The following ACADL variants were observed in gnomAD, a reference collection of about 807,000 sequenced individuals.
The protein encoded by ACADL is long-chain specific acyl-CoA dehydrogenase, mitochondrial.
ACADL carries 60 observed loss-of-function variants against 56.9 expected under a neutral mutation model. The observed-to-expected ratio is 1.05, with a 90% CI of 0.86 to 1.31. The LOEUF (loss-of-function observed/expected upper bound fraction) is 1.31. Ranked by LOEUF, ACADL falls within the 50% of genes most tolerant of loss-of-function variation. The pLI, the probability that ACADL is intolerant of heterozygous loss-of-function variation, is 0.00. For synonymous variants in ACADL, 158 were observed against 179.7 expected, an observed-to-expected ratio of 0.88 and a Z score of 0.97; for missense variants, 484 against 525.5, an observed-to-expected ratio of 0.92 and a Z score of 0.77.
In ACADL at chr2:210,195,250, T is replaced by A. The variant is rs1487326946; in HGVS notation, c.1073A>T (p.Lys358Ile). Reference protein sequence around the residue: ...VDNCLQLHEAKRLDSATACMA... With the variant: ...VDNCLQLHEAIRLDSATACMA... ...GCAAGCAGTGGCGGAGTCCAAACGT[T>A]TCGCTTCATGCAGCTGGAGACAGTT... The change falls in exon 9 of 11, where the codon AAA becomes ATA. Residue 358 changes from lysine (K) to isoleucine (I), a missense_variant. By Grantham distance (102) the Lys-to-Ile change is moderately radical. Transcript: ENST00000233710. The A allele has an allele frequency of 4.3e-6, 7 of 1,613,954 alleles. No individual in the cohort carries two copies. Among genetic ancestry groups the A allele is most frequent in the Non-Finnish European group, 5.9e-6 (7 of 1,179,932 alleles).
At chr2:210,221,596 T>C (rs1368898249) in intron 1 of ACADL, among the ~76,000 whole-genome samples, 1 of 152,240 alleles carries the variant, frequency 6.6e-6, no homozygotes, top group Non-Finnish European at 1.5e-5. Context: ...ATTTAGTGTA[T>C]TTCTTCCTTA....
At chr2:210,192,992 C>T in intron 9 of ACADL, 102 bp from the exon 10 acceptor site, 1 of 868,374 alleles carries the variant, frequency 1.2e-6, no homozygotes, top group Non-Finnish European at 1.9e-6. Context: ...TTTAAATGTG[C>T]ACATTTATTA....
At chr2:210,192,039 A>T (rs1688641383) in intron 10 of ACADL, among the ~76,000 whole-genome samples, 1 of 152,180 alleles carries the variant, frequency 6.6e-6, no homozygotes, top group African/African-American at 2.4e-5. Flanking sequence ...ATTTCTTTCA[A>T]TTTGAAGGAA....
intron 8 of ACADL, among the ~76,000 whole-genome samples, chr2:210,197,262 A>T (rs556787674): frequency 6.6e-6 from 1 of 152,134 alleles, no homozygotes; most frequent in African/African-American, 2.4e-5. Context: ...AAACTAAGCA[A>T]TGAGAAGGTT....
chr2:210,224,916 C>CT, intron 1 of ACADL: 1 of 1,303,938 alleles, frequency 7.7e-7, no homozygotes, highest in South Asian at 1.8e-5. Flanking sequence ...GAATGAACTT[C>CT]TGGAGAAATC....
intron 5 of ACADL, among the ~76,000 whole-genome samples, chr2:210,206,855 C>T (rs186008343): frequency 9.2e-5 from 14 of 152,174 alleles, no homozygotes; most frequent in Non-Finnish European, 1.8e-4. Context: ...GTGACCATAG[C>T]TCTTTGCAGC....
chr2:210,205,410 A>G (rs893496938), intron 6 of ACADL, among the ~76,000 whole-genome samples: 3 of 152,196 alleles, frequency 2.0e-5, no homozygotes, highest in Non-Finnish European at 4.4e-5. Flanking sequence ...TGCCATTTCT[A>G]AAACAGATAT....
In ACADL at chr2:210,217,615, A is replaced by G. The variant is rs879366595; in HGVS notation, c.371+350T>C. On this transcript the variant is annotated intron_variant, in intron 3 of 10. Transcript: ENST00000233710. ...AACTGCAATCTTTATTTGTTCTTGT[A>G]TATTAAATTTCTAATATATTTGATG... is the stretch of plus-strand genomic sequence containing the variant. The G allele has an allele frequency of 9.0e-5, 16 of 178,012 alleles. No individual in the cohort carries two copies. The Admixed American group carries it at 9.5e-4, about 11-fold the overall frequency. 11.0% of individuals were successfully genotyped at this position (178,012 alleles called of 1,614,324 possible). A position where few individuals can be genotyped will look rare whatever the true frequency, so the allele number is the denominator to read the frequency against.
chr2:210,224,436 C>G (rs1336123988), intron 1 of ACADL: 1 of 985,110 alleles, frequency 1.0e-6, no homozygotes, highest in African/African-American at 1.7e-5. Context: ...AGTTCCTTCA[C>G]CCTTATTAAA....
chr2:210,206,542 G>C (rs535159074), intron 5 of ACADL, among the ~76,000 whole-genome samples: 18 of 152,078 alleles, frequency 1.2e-4, no homozygotes, highest in African/African-American at 4.3e-4. Flanking sequence ...GACTATTTTT[G>C]ATTTTTGTAA....
At chr2:210,202,031 C>T (rs1161059389) in intron 8 of ACADL, among the ~76,000 whole-genome samples, 1 of 152,136 alleles carries the variant, frequency 6.6e-6, no homozygotes, top group Non-Finnish European at 1.5e-5. Context: ...TTCTGCAACA[C>T]CTCCATGCCT....
intron 10 of ACADL, among the ~76,000 whole-genome samples, chr2:210,190,725 TAAAA>T (rs969964587): frequency 1.3e-5 from 2 of 151,670 alleles, no homozygotes; most frequent in African/African-American, 4.8e-5. Flanking sequence ...AAAAACAAAA[TAAAA>T]AAGCAGAGAA....
At chr2:210,200,210 G>C (rs561746645) in intron 8 of ACADL, among the ~76,000 whole-genome samples, 1 of 152,054 alleles carries the variant, frequency 6.6e-6, no homozygotes, top group Non-Finnish European at 1.5e-5. Context: ...TGTTTCTAGA[G>C]TTACACCCAT....
chr2:210,194,132 C>A (rs1469261152), intron 9 of ACADL, among the ~76,000 whole-genome samples: 5 of 152,052 alleles, frequency 3.3e-5, no homozygotes. Context: ...ATAACAAGGT[C>A]AATGGCTATC....
chr2:210,195,524 T>C (rs1268667838), intron 8 of ACADL, among the ~76,000 whole-genome samples, 186 bp from the exon 9 acceptor site: 3 of 152,172 alleles, frequency 2.0e-5, no homozygotes, highest in African/African-American at 7.2e-5. Context: ...CTCACTATAT[T>C]TCAGTGCTAA....
At chr2:210,210,387 T>G (rs1038276065) in intron 4 of ACADL, 125 bp from the exon 5 acceptor site, 206 of 695,362 alleles carry the variant, frequency 3.0e-4, no homozygotes, top group Non-Finnish European at 3.9e-4. Flanking sequence ...TGCTGAGTAT[T>G]AAGAATGTTC....
intron 1 of ACADL, chr2:210,224,960 G>A: frequency 7.3e-7 from 1 of 1,373,262 alleles, no homozygotes. Flanking sequence ...TCGGCGGTCT[G>A]TTCTCGGGGC....
chr2:210,204,010 A>G (rs1051266510), intron 7 of ACADL, among the ~76,000 whole-genome samples: 1 of 152,208 alleles, frequency 6.6e-6, no homozygotes, highest in African/African-American at 2.4e-5. Context: ...AATTCTACCT[A>G]TTAATGTAAA....
At chr2:210,220,613 T>C in intron 2 of ACADL, 34 bp downstream of exon 2, 1 of 1,601,028 alleles carries the variant, frequency 6.2e-7, no homozygotes, top group Non-Finnish European at 8.5e-7. Flanking sequence ...ATACCCCTAG[T>C]ATACATTACA....
Sources: allele counts gnomAD v4.1 joint callset (sites outside exome capture counted in the v4.1 genomes callset), GRCh38; gene constraint gnomAD v4.1.1; transcripts MANE v1.5; gene names NCBI Gene and HGNC (gene_info 2026-07-23, HGNC 2026-07-21).